Variants in OASL observed in about 807,000 individuals in gnomAD.
OASL encodes 2'-5'-oligoadenylate synthase-like protein.
Under a neutral mutation model 35.3 loss-of-function variants are expected in OASL, and 28 were observed. The ratio of observed to expected loss-of-function variants is 0.79; its 90% CI spans 0.59 to 1.09. The LOEUF is 1.09. OASL is among the 50% of genes least tolerant of loss of function. The pLI, the probability that OASL is intolerant of heterozygous loss-of-function variation, is 0.00. For missense variants in OASL, 620 were observed against 635.2 expected (o/e 0.98, Z 0.26); for synonymous variants, 252 against 254.6 (o/e 0.99, Z 0.10).
At chr12:121,027,645 C>G (rs773455607) in exon 4 of OASL, 1 of 1,614,006 alleles carries the variant, frequency 6.2e-7, no homozygotes, top group Non-Finnish European at 8.5e-7. Flanking sequence ...GTACTTGGTC[C>G]AGTAGATACA....
chr12:121,032,884 GAGCATTTACA>G (rs1033358428), intron 2 of OASL, among the ~76,000 whole-genome samples: 1 of 151,956 alleles, frequency 6.6e-6, no homozygotes, highest in African/African-American at 2.4e-5. Context: ...CTTTTTCTCT[GAGCATTTACA>G]CCATTTGCAA....
chr12:121,028,471 G>T (rs1185230991), intron 3 of OASL, among the ~76,000 whole-genome samples: 1 of 152,124 alleles, frequency 6.6e-6, no homozygotes, highest in South Asian at 2.1e-4. Flanking sequence ...GTCCTCCCAT[G>T]TGTGAATATG....
intron 5 of OASL, among the ~76,000 whole-genome samples, chr12:121,023,287 C>CTTTT (rs768266698): frequency 1.2e-4 from 15 of 123,252 alleles, no homozygotes; most frequent in Admixed American, 2.8e-4. Flanking sequence ...TTTTTTTTTT[C>CTTTT]TTTTTTTCTT....
At position 121,033,754 on chromosome 12, in the gene OASL, C is replaced by A; in HGVS notation, c.199-11G>T. 1 of 1,609,104 alleles carries A rather than the reference C, an allele frequency of 6.2e-7. No individual in the cohort carries two copies. The highest frequency in any genetic ancestry group is 8.5e-7 in the Non-Finnish European group (1 of 1,177,984). Reference sequence around the variant, plus strand: ...CCCGAAGGAGCCCACCTGCAGAACACAGAGCCCCGTCACCCTGAGGCCCAC... The same window carrying A: ...CCCGAAGGAGCCCACCTGCAGAACAAAGAGCCCCGTCACCCTGAGGCCCAC... On this transcript the variant is annotated splice_polypyrimidine_tract_variant and intron_variant, in intron 1 of 5. Coordinates refer to ENST00000257570, the Ensembl canonical transcript of OASL.
intron 4 of OASL, 47 bp downstream of exon 4, chr12:121,027,529 C>G: frequency 6.2e-7 from 1 of 1,608,734 alleles, no homozygotes; most frequent in Non-Finnish European, 8.5e-7. Context: ...ACTAGCCCGT[C>G]TCTCTTTTTT....
At chr12:121,028,351 C>T (rs1869579041) in intron 3 of OASL, among the ~76,000 whole-genome samples, 1 of 152,168 alleles carries the variant, frequency 6.6e-6, no homozygotes, top group Non-Finnish European at 1.5e-5. Context: ...GTCCTATCAG[C>T]ATAAACCTTT....
intron 4 of OASL, among the ~76,000 whole-genome samples, chr12:121,027,361 C>T (rs1869530447): frequency 6.6e-6 from 1 of 152,206 alleles, no homozygotes; most frequent in Admixed American, 6.6e-5. Context: ...GCTTAGGAAA[C>T]AAGGAACAGG....
exon 1 of OASL, chr12:121,038,826 A>C (rs760512372): frequency 6.2e-7 from 1 of 1,614,070 alleles, no homozygotes; most frequent in South Asian, 1.1e-5. Flanking sequence ...CTTCCCCTGG[A>C]AATGCTCCTG....
intron 3 of OASL, among the ~76,000 whole-genome samples, chr12:121,028,831 G>A (rs2135908766): frequency 1.3e-5 from 2 of 152,146 alleles, no homozygotes; most frequent in East Asian, 1.9e-4. Flanking sequence ...TTGGGAGGCC[G>A]AGGCGGGTGG....
chr12:121,035,525 A>AACAAAACAAAACAAAACAAAACAAC (rs1371050124), intron 1 of OASL, among the ~76,000 whole-genome samples: 6 of 118,542 alleles, frequency 5.1e-5, no homozygotes, highest in African/African-American at 1.6e-4. Context: ...ACTCCATCTA[A>AACAAAACAAAACAAAACAAAACAAC]ACAAAACAAA....
chr12:121,036,686 C>T (rs1048920368), intron 1 of OASL, among the ~76,000 whole-genome samples: 3 of 152,156 alleles, frequency 2.0e-5, no homozygotes, highest in Non-Finnish European at 4.4e-5. Flanking sequence ...ATTCTTGTAG[C>T]ATCCTCCTCT....
chr12:121,033,699 C>T lies in OASL; in HGVS notation c.243G>A (p.Glu81=), dbSNP rs766537169. ...AGCTCAGAAACGCCACCAGCTCCAC[C>T]TCTCTGGTGCTCCTGAGAACCGTGC... The change falls in exon 2 of 6, where the codon GAG becomes GAA. Residue 81 remains glutamate (E), a synonymous_variant. Coordinates refer to ENST00000257570, the Ensembl canonical transcript of OASL. 3.1e-6 allele frequency: 5 copies of T among 1,614,014 alleles called. No individual in the cohort carries two copies. The Admixed American group carries it at 6.7e-5, about 22-fold the overall frequency.
At chr12:121,023,700 G>T in intron 5 of OASL, 1 of 309,612 alleles carries the variant, frequency 3.2e-6, no homozygotes, top group Admixed American at 4.2e-5. Flanking sequence ...AGCTGACTTG[G>T]CTGGACCCAA....
At chr12:121,034,250 G>T (rs1386138559) in intron 1 of OASL, among the ~76,000 whole-genome samples, 1 of 151,280 alleles carries the variant, frequency 6.6e-6, no homozygotes, top group African/African-American at 2.4e-5. Context: ...GGGCTGCAGT[G>T]GCATGATCTT....
At chr12:121,036,264 A>T (rs753609526) in intron 1 of OASL, among the ~76,000 whole-genome samples, 2 of 152,208 alleles carry the variant, frequency 1.3e-5, no homozygotes, top group Non-Finnish European at 2.9e-5. Context: ...AAACCTATTT[A>T]AGCACAATTC....
At chr12:121,021,989 C>T (rs373060807) in intron 5 of OASL, among the ~76,000 whole-genome samples, 1 of 152,042 alleles carries the variant, frequency 6.6e-6, no homozygotes, top group East Asian at 1.9e-4. Flanking sequence ...TAACTCACTG[C>T]GCCTTGACCT....
At chr12:121,025,125 C>T (rs2135904656) in intron 4 of OASL, among the ~76,000 whole-genome samples, 1 of 151,854 alleles carries the variant, frequency 6.6e-6, no homozygotes, top group South Asian at 2.1e-4. Flanking sequence ...TTACAGGTAC[C>T]CGCCACCACG....
intron 4 of OASL, among the ~76,000 whole-genome samples, chr12:121,025,014 T>C (rs568083432): frequency 1.4e-5 from 2 of 140,816 alleles, no homozygotes; most frequent in East Asian, 4.5e-4. Flanking sequence ...AGTCTCGCTC[T>C]GTCGCCCAGG....
At position 121,033,314 on chromosome 12, in the gene OASL, C is replaced by G. The variant is rs1037750751; in HGVS notation, c.481+147G>C. On this transcript the variant is annotated intron_variant, in intron 2 of 5. Transcript: ENST00000257570. Reference sequence around the variant, plus strand: ...TAGCCAGAGTTGAGTTAATCCTGTGCACTGCAATAACCCAGCCCCAAGCAT... The same window carrying G: ...TAGCCAGAGTTGAGTTAATCCTGTGGACTGCAATAACCCAGCCCCAAGCAT... The G allele has an allele frequency of 6.9e-6, 5 of 720,092 alleles. No homozygotes were observed. In the South Asian group the frequency reaches 9.3e-5, roughly 13 times the overall value. The allele number at this position is 720,092 out of a possible 1,614,324, so 44.6% of individuals were successfully genotyped here.
Sources: allele counts gnomAD v4.1 joint callset (sites outside exome capture counted in the v4.1 genomes callset), GRCh38; gene constraint gnomAD v4.1.1; transcripts MANE v1.5; gene names NCBI Gene and HGNC (gene_info 2026-07-23, HGNC 2026-07-21).